BRDT: variants seen among roughly 807,000 people sequenced by gnomAD.
BRDT encodes the protein bromodomain testis associated, also known as bromodomain testis-specific protein.
In BRDT, 77 loss-of-function variants were observed where a neutral mutation model predicts 113.9. The ratio of observed to expected loss-of-function variants is 0.68; its 90% CI spans 0.56 to 0.82. The LOEUF (loss-of-function observed/expected upper bound fraction) is 0.82, where lower values mean the gene tolerates loss of function less well. Among genes scored for constraint, BRDT ranks in the 40% least tolerant of loss-of-function variants. The pLI is 0.00. For synonymous variants in BRDT, 358 were observed against 366.5 expected, an observed-to-expected ratio of 0.98 and a Z score of 0.26; for missense variants, 1,027 against 1,105.4, an observed-to-expected ratio of 0.93 and a Z score of 1.01.
chr1:91,951,922 G>T (rs1681136745), intron 1 of BRDT, among the ~76,000 whole-genome samples: 1 of 152,204 alleles, frequency 6.6e-6, no homozygotes, highest in South Asian at 2.1e-4. Flanking sequence ...AGTGGCTCAT[G>T]CCTGTAATCT....
At chr1:91,997,062 G>A (rs1445575975) in intron 15 of BRDT, among the ~76,000 whole-genome samples, 2 of 151,388 alleles carry the variant, frequency 1.3e-5, no homozygotes, top group Non-Finnish European at 2.9e-5. Flanking sequence ...TAAAAGAAGA[G>A]GTAATCAATG....
At chr1:91,985,512 A>G (rs561742962) in intron 12 of BRDT, among the ~76,000 whole-genome samples, 2 of 151,804 alleles carry the variant, frequency 1.3e-5, no homozygotes, top group South Asian at 4.2e-4. Context: ...ATTTTTTCTT[A>G]ATGTAATTTT....
chr1:91,968,640 A>G (rs988977411), intron 4 of BRDT, among the ~76,000 whole-genome samples: 2 of 152,174 alleles, frequency 1.3e-5, no homozygotes, highest in African/African-American at 2.4e-5. Context: ...CTGAGAATGA[A>G]ATGTTAGTAT....
Position 91,964,723 on chromosome 1 carries a change from G to A in BRDT, c.289G>A (p.Asp97Asn), listed in dbSNP as rs762446414. The change falls in exon 3 of 19, where the codon GAC becomes AAC. Residue 97 changes from aspartate to asparagine, a missense_variant. Transcript: ENST00000399546. ...TGCGAAGGCTTCAGAATGTATAGAA[G>A]ACTTCAATACAATGTTCTCAAATTG... ...YYAKASECIE[D>N]FNTMFSNCYL... 6.6e-7 allele frequency: 1 copy of A among 1,511,784 alleles called. No individual in the cohort carries two copies. The highest frequency in any genetic ancestry group is 9.0e-7 in the Non-Finnish European group (1 of 1,109,562). The allele number at this position is 1,511,784 out of a possible 1,614,324, so 93.6% of individuals were successfully genotyped here.
rs1687181294 is a variant in BRDT at position 92,005,084 on chromosome 1, G to GAA, written c.2595-33_2595-32dup. On this transcript the variant is annotated intron_variant, in intron 17 of 18. Coordinates refer to ENST00000399546, the MANE Select transcript of BRDT (RefSeq NM_207189.4). ...TTTTTGTAATACTTTTAAGGAACTT[G>GAA]AAACCTACTTTGAGCTATACTTTTT... is the stretch of plus-strand genomic sequence containing the variant. 12 of 1,402,624 alleles carry GAA rather than the reference G, an allele frequency of 8.6e-6. No individual in the cohort carries two copies. In the East Asian group the frequency reaches 3.2e-4, roughly 37 times the overall value. The allele number at this position is 1,402,624 out of a possible 1,614,324, so 86.9% of individuals were successfully genotyped here.
At chr1:91,973,888 C>A (rs1252911671) in intron 4 of BRDT, among the ~76,000 whole-genome samples, 1 of 152,150 alleles carries the variant, frequency 6.6e-6, no homozygotes, top group Non-Finnish European at 1.5e-5. Context: ...TCAAACTATA[C>A]TACAAGGCTG....
intron 16 of BRDT, 36 bp downstream of exon 16, chr1:92,002,185 G>C (rs748409371): frequency 6.8e-7 from 1 of 1,466,280 alleles, no homozygotes. Flanking sequence ...AAATCTTGAA[G>C]GGATTTGAAA....
intron 18 of BRDT, among the ~76,000 whole-genome samples, chr1:92,005,652 C>CA (rs1296244969): frequency 2.0e-5 from 3 of 151,748 alleles, no homozygotes; most frequent in African/African-American, 7.3e-5. Context: ...CTCAAACAAA[C>CA]AAAAAAAGAT....
chr1:91,982,022 T>C (rs1323679382), intron 12 of BRDT, among the ~76,000 whole-genome samples: 1 of 152,148 alleles, frequency 6.6e-6, no homozygotes, highest in Non-Finnish European at 1.5e-5. Flanking sequence ...CAATAAATAA[T>C]TTCAAATCTT....
intron 5 of BRDT, 49 bp from the exon 6 acceptor site, chr1:91,976,994 C>A: frequency 7.1e-7 from 1 of 1,414,614 alleles, no homozygotes; most frequent in Non-Finnish European, 9.5e-7. Context: ...GAACTATGCT[C>A]TGAATATCAT....
In BRDT at chr1:91,992,287, G is replaced by T; in HGVS notation, c.2088G>T (p.Pro696=). The change falls in exon 14 of 19, where the codon CCG becomes CCT. Residue 696 remains proline, a synonymous_variant. Coordinates refer to ENST00000399546, the MANE Select transcript of BRDT (RefSeq NM_207189.4). ...NVKKMKNECI[P]PEGRTGVTQI... Reference sequence around the variant, plus strand: ...AGAAAATGAAGAATGAATGCATACCGCCTGAAGGAAGAACAGGCGTCACAC... The same window carrying T: ...AGAAAATGAAGAATGAATGCATACCTCCTGAAGGAAGAACAGGCGTCACAC... 1 of 1,511,908 alleles carries T rather than the reference G, an allele frequency of 6.6e-7. No individual in the cohort carries two copies. The highest frequency in any genetic ancestry group is 8.9e-7 in the Non-Finnish European group (1 of 1,123,890). The allele number at this position is 1,511,908 out of a possible 1,614,324, so 93.7% of individuals were successfully genotyped here.
chr1:92,014,132 TA>T, intron 18 of BRDT, 73 bp from the exon 19 acceptor site: 3 of 941,592 alleles, frequency 3.2e-6, no homozygotes, highest in Non-Finnish European at 4.8e-6. Context: ...AAATGTTGCA[TA>T]ATCATTATTG....
chr1:92,012,032 G>A (rs1473055641), intron 18 of BRDT, among the ~76,000 whole-genome samples: 1 of 152,122 alleles, frequency 6.6e-6, no homozygotes, highest in East Asian at 1.9e-4. Context: ...GTATTGGCTG[G>A]GTACAGTGGC....
rs11346071 is a variant in BRDT at position 91,959,419 on chromosome 1, C to CT, written c.-37-3282dup. On this transcript the variant is annotated intron_variant, in intron 1 of 18. Coordinates refer to ENST00000399546, the MANE Select transcript of BRDT (RefSeq NM_207189.4). ...TCTTACGATTTTTCTCTTTTTCTTT[C>CT]TTTTTTTTTTTTTTTTTATTTTACA... is the stretch of plus-strand genomic sequence containing the variant. 1.4e-3 allele frequency among the ~76,000 whole-genome samples: 153 copies of CT among 112,796 alleles called. 1 individual carries two copies. Among genetic ancestry groups the CT allele is most frequent in the African/African-American group, 4.6e-3 (143 of 31,234 alleles). 74.0% of individuals were successfully genotyped at this position (112,796 alleles called of 152,430 possible). A position where few individuals can be genotyped will look rare whatever the true frequency, so the allele number is the denominator to read the frequency against.
chr1:92,009,791 G>A (rs566208474), intron 18 of BRDT, among the ~76,000 whole-genome samples: 39 of 151,484 alleles, frequency 2.6e-4, no homozygotes, highest in African/African-American at 9.0e-4. Context: ...GGGTAGTCTC[G>A]AACTCCTGAG....
chr1:91,963,216 A>G (rs1298092047), intron 2 of BRDT, among the ~76,000 whole-genome samples: 1 of 152,160 alleles, frequency 6.6e-6, no homozygotes, highest in Non-Finnish European at 1.5e-5. Flanking sequence ...CCAGCTACCC[A>G]GGAGGCTGAG....
At chr1:91,981,404 TTGTA>T (rs35241748) in intron 11 of BRDT, 23 bp downstream of exon 11, 180 of 1,490,522 alleles carry the variant, frequency 1.2e-4, no homozygotes, top group African/African-American at 1.1e-3. Flanking sequence ...TTTTGTTTGT[TTGTA>T]TGTATGTATG....
intron 15 of BRDT, among the ~76,000 whole-genome samples, chr1:91,999,711 A>G (rs529216396): frequency 6.6e-6 from 1 of 152,118 alleles, no homozygotes. Flanking sequence ...AGTGCTCTAT[A>G]CTTGGGTGAT....
intron 12 of BRDT, among the ~76,000 whole-genome samples, chr1:91,990,177 G>GT (rs1292601022): frequency 6.6e-6 from 1 of 152,156 alleles, no homozygotes; most frequent in Non-Finnish European, 1.5e-5. Flanking sequence ...CACTAGAACC[G>GT]TGTTGGAGAG....
Sources: allele counts gnomAD v4.1 joint callset (sites outside exome capture counted in the v4.1 genomes callset), GRCh38; gene constraint gnomAD v4.1.1; transcripts MANE v1.5; gene names NCBI Gene and HGNC (gene_info 2026-07-23, HGNC 2026-07-21).